P2RX3: variants seen among roughly 807,000 people sequenced by gnomAD.
P2RX3 encodes P2X purinoceptor 3.
A neutral mutation model predicts 51.5 loss-of-function variants in P2RX3; 41 were observed. That is an observed-to-expected ratio of 0.80 (90% CI 0.62 to 1.03). P2RX3 has a LOEUF of 1.03. Ranked by LOEUF, P2RX3 falls within the 50% of genes least tolerant of loss-of-function variation. The pLI is 0.00. For missense variants in P2RX3, 459 were observed against 522.1 expected, an observed-to-expected ratio of 0.88 and a Z score of 1.18; for synonymous variants, 185 against 191.6, an observed-to-expected ratio of 0.97 and a Z score of 0.29.
intron 8 of P2RX3, among the ~76,000 whole-genome samples, chr11:57,352,545 T>G (rs972697009): frequency 2.6e-5 from 4 of 152,342 alleles, no homozygotes; most frequent in Admixed American, 1.3e-4. Context: ...TGGGAATTCT[T>G]TAATCCTCCA....
intron 8 of P2RX3, among the ~76,000 whole-genome samples, chr11:57,355,872 G>C (rs1006104716): frequency 2.6e-5 from 4 of 152,074 alleles, no homozygotes; most frequent in African/African-American, 9.7e-5. Flanking sequence ...CCCTCTAAAA[G>C]CCTATCCCGT....
chr11:57,350,090 C>T (rs1226471857), intron 7 of P2RX3, among the ~76,000 whole-genome samples, 192 bp downstream of exon 7: 3 of 152,146 alleles, frequency 2.0e-5, no homozygotes, highest in African/African-American at 7.2e-5. Context: ...ATCTTGCCCC[C>T]CGCCTCCGCC....
rs1272438537 is a variant in P2RX3 at position 57,346,747 on chromosome 11, G to A, written c.255+68G>A. 2.3e-5 allele frequency: 36 copies of A among 1,576,970 alleles called. 1 individual carries two copies. The highest frequency in any genetic ancestry group is 1.2e-4 in the Admixed American group (7 of 56,610). On this transcript the variant is annotated intron_variant, in intron 2 of 11. Transcript: ENST00000263314. ...CTGGGCAGGTTGGAAGGGAGAAAGC[G>A]AGCAAAGAGTGCCAATGGGATTCCC...
chr11:57,356,538 G>A (rs1364086024), intron 8 of P2RX3, among the ~76,000 whole-genome samples: 6 of 152,226 alleles, frequency 3.9e-5, no homozygotes, highest in Non-Finnish European at 8.8e-5. Context: ...TTTTATGTTG[G>A]AAATGTACCC....
chr11:57,344,496 T>G (rs1856397408), intron 1 of P2RX3, among the ~76,000 whole-genome samples: 1 of 152,044 alleles, frequency 6.6e-6, no homozygotes, highest in Non-Finnish European at 1.5e-5. Flanking sequence ...GCCAGGAGTT[T>G]GAGACCAGCC....
Position 57,343,572 on chromosome 11 carries a change from G to A in P2RX3, c.120-2972G>A, listed in dbSNP as rs1002952917. ...TCATTCATGACATGAAGGTAATAAC[G>A]AAGCTGTCTCAGTAAGAATGTAGTG... On this transcript the variant is annotated intron_variant, in intron 1 of 11. Transcript: ENST00000263314. Among the ~76,000 whole-genome samples, 7 of 152,182 alleles carry A rather than the reference G, an allele frequency of 4.6e-5. No individual in the cohort carries two copies. In the South Asian group the frequency reaches 1.5e-3, roughly 32 times the overall value.
intron 7 of P2RX3, chr11:57,350,297 T>TTTTTTG (rs1856521481): frequency 1.6e-5 from 1 of 61,332 alleles, no homozygotes; most frequent in South Asian, 4.8e-4. Flanking sequence ...AGCCACAACC[T>TTTTTTG]TTTTTTTTTT....
chr11:57,344,038 A>G (rs111232726), intron 1 of P2RX3, among the ~76,000 whole-genome samples: 1 of 152,198 alleles, frequency 6.6e-6, no homozygotes, highest in African/African-American at 2.4e-5. Context: ...CAAAAAAAGA[A>G]GAAAAGAAAA....
intron 8 of P2RX3, among the ~76,000 whole-genome samples, chr11:57,367,477 T>A (rs1856814167): frequency 6.6e-6 from 1 of 152,030 alleles, no homozygotes; most frequent in Non-Finnish European, 1.5e-5. Context: ...TCCCAGCACT[T>A]TTGGAGGCCG....
intron 6 of P2RX3, 117 bp downstream of exon 6, chr11:57,348,821 AC>A: frequency 1.4e-6 from 1 of 710,990 alleles, no homozygotes; most frequent in Non-Finnish European, 2.4e-6. Context: ...CGCTCCACTG[AC>A]CCATCTCCCT....
At chr11:57,362,727 GT>G (rs1397335964) in intron 8 of P2RX3, among the ~76,000 whole-genome samples, 1 of 152,224 alleles carries the variant, frequency 6.6e-6, no homozygotes, top group Non-Finnish European at 1.5e-5. Flanking sequence ...CCTTAGACAA[GT>G]TGCTTCACCT....
Position 57,349,949 on chromosome 11 carries a change from T to G in P2RX3, c.705+51T>G, listed in dbSNP as rs996317267. 1.9e-6 allele frequency: 3 copies of G among 1,606,548 alleles called. No homozygotes were observed. In the South Asian group the frequency reaches 3.3e-5, roughly 18 times the overall value. The stretch of plus-strand genomic sequence containing the variant: ...ACCCCAAACTCCCCACCTTCAGCCC[T>G]TTCCCAGATTTCAGGGCCCTTTGGC... On this transcript the variant is annotated intron_variant, in intron 7 of 11. Coordinates refer to ENST00000263314, the MANE Select transcript of P2RX3 (RefSeq NM_002559.5).
intron 8 of P2RX3, among the ~76,000 whole-genome samples, chr11:57,355,622 T>C (rs1241342368): frequency 6.6e-6 from 1 of 152,212 alleles, no homozygotes; most frequent in Non-Finnish European, 1.5e-5. Flanking sequence ...ATTATACGCG[T>C]GAGCTACCAC....
At chr11:57,352,064 T>C (rs973947744) in intron 8 of P2RX3, among the ~76,000 whole-genome samples, 4 of 152,176 alleles carry the variant, frequency 2.6e-5, no homozygotes, top group African/African-American at 9.6e-5. Context: ...TCATTTACAT[T>C]TGAACATAAG....
chr11:57,350,815 G>A lies in P2RX3; in HGVS notation c.759G>A (p.Trp253Ter). Residue 253 changes from tryptophan (W) to a stop codon, truncating the protein, a stop_gained, in exon 8 of 12, where the codon TGG becomes TGA. Coordinates refer to ENST00000263314, the MANE Select transcript of P2RX3 (RefSeq NM_002559.5). LOFTEE classifies it high-confidence loss of function. The stretch of plus-strand genomic sequence containing the variant: ...GGGTGTGCGACTTGGACAAGGCCTG[G>A]GACCAGTGCATCCCCAAATACTCCT... ...IGWVCDLDKAWDQCIPKYSFT... is the reference protein window; with the variant it reads ...IGWVCDLDKA 1 of 1,614,008 alleles carries A rather than the reference G, an allele frequency of 6.2e-7. No homozygotes were observed.
intron 8 of P2RX3, among the ~76,000 whole-genome samples, chr11:57,362,489 C>T (rs1856736008): frequency 6.6e-6 from 1 of 152,220 alleles, no homozygotes; most frequent in African/African-American, 2.4e-5. Flanking sequence ...TCTGTCCTGA[C>T]ACTGCATGGC....
chr11:57,371,620 C>T lies in P2RX3; in HGVS notation c.*1623C>T, dbSNP rs937756545. ...GGGGTAAGACCCACCCCACATAAAG[C>T]TCAACACCCCTTCCCTCACTCTGCC... On this transcript the variant is annotated 3_prime_UTR_variant, in exon 12 of 12. Coordinates refer to ENST00000263314, the MANE Select transcript of P2RX3 (RefSeq NM_002559.5). 7.2e-5 allele frequency among the ~76,000 whole-genome samples: 11 copies of T among 152,224 alleles called. No individual in the cohort carries two copies. The highest frequency in any genetic ancestry group is 4.4e-5 in the Non-Finnish European group (3 of 68,028).
intron 1 of P2RX3, among the ~76,000 whole-genome samples, chr11:57,339,516 C>G (rs1264288891): frequency 7.6e-6 from 1 of 131,930 alleles, no homozygotes; most frequent in Admixed American, 7.1e-5. Context: ...CAAGCACACA[C>G]CTACACACAC....
chr11:57,356,740 C>G (rs1179589734), intron 8 of P2RX3, among the ~76,000 whole-genome samples: 2 of 152,208 alleles, frequency 1.3e-5, no homozygotes, highest in Non-Finnish European at 2.9e-5. Context: ...GCAGCCAGCA[C>G]CGTCATTTCC....
Sources: allele counts gnomAD v4.1 joint callset (sites outside exome capture counted in the v4.1 genomes callset), GRCh38; gene constraint gnomAD v4.1.1; transcripts MANE v1.5; gene names NCBI Gene and HGNC (gene_info 2026-07-23, HGNC 2026-07-21).